OPCML: variants seen among roughly 807,000 people sequenced by gnomAD.
OPCML encodes the protein opioid-binding protein/cell adhesion molecule.
A neutral mutation model predicts 37.8 loss-of-function variants in OPCML; 13 were observed. The ratio of observed to expected loss-of-function variants is 0.34; its 90% CI spans 0.22 to 0.55. The LOEUF (loss-of-function observed/expected upper bound fraction) is 0.55, where lower values mean the gene tolerates loss of function less well. Among genes scored for constraint, OPCML ranks in the 20% least tolerant of loss-of-function variants. The probability of loss-of-function intolerance (pLI) is 0.91; values close to 1 mark genes in which losing one functional copy is unlikely to be tolerated. For missense variants in OPCML, 341 were observed against 435.6 expected, an observed-to-expected ratio of 0.78 and a Z score of 1.93; for synonymous variants, 176 against 168.8, an observed-to-expected ratio of 1.04 and a Z score of -0.33.
intron 2 of OPCML, among the ~76,000 whole-genome samples, chr11:132,792,594 T>C (rs1937995566): frequency 6.6e-6 from 1 of 152,162 alleles, no homozygotes; most frequent in Non-Finnish European, 1.5e-5. Context: ...TAGGTTCCTT[T>C]AAGAAGGCCA....
chr11:132,769,238 TTGTTG>T (rs1406905280), intron 2 of OPCML, among the ~76,000 whole-genome samples: 3 of 134,352 alleles, frequency 2.2e-5, no homozygotes, highest in Non-Finnish European at 5.1e-5. Flanking sequence ...TTTGGTTTGT[TTGTTG>T]TTTTTTTTTT....
At chr11:132,555,491 G>T (rs916649930) in intron 3 of OPCML, among the ~76,000 whole-genome samples, 17 of 152,022 alleles carry the variant, frequency 1.1e-4, no homozygotes, top group African/African-American at 3.9e-4. Flanking sequence ...CTCCCACCAG[G>T]TCCCTCCCAC....
At chr11:132,859,891 A>C (rs1032659773) in intron 2 of OPCML, 1 of 152,182 alleles carries the variant, frequency 6.6e-6, no homozygotes, top group Admixed American at 6.5e-5. Context: ...TATATATATG[A>C]GACCTCAGCT....
intron 2 of OPCML, among the ~76,000 whole-genome samples, chr11:132,914,717 A>G (rs1031052463): frequency 1.3e-5 from 2 of 152,204 alleles, no homozygotes; most frequent in African/African-American, 4.8e-5. Context: ...AACCCATAGC[A>G]GCCACTGAGT....
intron 7 of OPCML, among the ~76,000 whole-genome samples, chr11:132,428,470 A>G (rs538164879): frequency 1.3e-5 from 2 of 152,370 alleles, no homozygotes; most frequent in East Asian, 1.9e-4. Context: ...ATCTACCATG[A>G]GAGCCCAAAA....
intron 2 of OPCML, among the ~76,000 whole-genome samples, chr11:132,894,207 T>G (rs1355348790): frequency 6.6e-6 from 1 of 152,240 alleles, no homozygotes; most frequent in Non-Finnish European, 1.5e-5. Context: ...AGGTCTTTTA[T>G]CAGTCATTAT....
chr11:133,181,982 G>A (rs1287872290), intron 1 of OPCML, among the ~76,000 whole-genome samples: 1 of 152,190 alleles, frequency 6.6e-6, no homozygotes, highest in Non-Finnish European at 1.5e-5. Flanking sequence ...GCCCAGAAAA[G>A]AGACACATTT....
chr11:132,960,820 C>T (rs1210072583), intron 1 of OPCML, among the ~76,000 whole-genome samples: 1 of 152,224 alleles, frequency 6.6e-6, no homozygotes. Flanking sequence ...GGTCTGACAT[C>T]TTTGTGTATG....
At position 133,174,298 on chromosome 11, in the gene OPCML, A is replaced by G. The variant is rs1210107129; in HGVS notation, c.62-231288T>C. Among the ~76,000 whole-genome samples, 4 of 152,178 alleles carry G rather than the reference A, an allele frequency of 2.6e-5. No homozygotes were observed. The highest frequency in any genetic ancestry group is 1.3e-4 in the Admixed American group (2 of 15,278). On this transcript the variant is annotated intron_variant, in intron 1 of 7. Coordinates refer to ENST00000524381, the MANE Select transcript of OPCML (RefSeq NM_001012393.5). The surrounding 1 kb of genome is among the most constrained non-coding windows in gnomAD (Gnocchi z 4.6). ...CTGCCAAACGTAGAGACCTGGAGAG[A>G]GAGGACAGGGGCCTCGCATGAACCT...
intron 1 of OPCML, among the ~76,000 whole-genome samples, chr11:133,001,601 T>A (rs1197090522): frequency 6.6e-6 from 1 of 152,060 alleles, no homozygotes; most frequent in Non-Finnish European, 1.5e-5. Flanking sequence ...AGTGGAGGAG[T>A]TATCATGTCA....
chr11:133,230,619 G>T (rs1441235610), intron 1 of OPCML, among the ~76,000 whole-genome samples: 1 of 152,140 alleles, frequency 6.6e-6, no homozygotes, highest in Non-Finnish European at 1.5e-5. Context: ...TAGAATGTTT[G>T]GTGGCCATAA....
chr11:132,468,779 A>G (rs2096126953), intron 4 of OPCML, among the ~76,000 whole-genome samples: 1 of 152,208 alleles, frequency 6.6e-6, no homozygotes, highest in Non-Finnish European at 1.5e-5. Flanking sequence ...AGCTCATTTT[A>G]GGGAAAAGTC....
intron 1 of OPCML, among the ~76,000 whole-genome samples, chr11:133,522,158 A>C (rs917542290): frequency 4.6e-5 from 7 of 152,112 alleles, no homozygotes; most frequent in Non-Finnish European, 8.8e-5. Context: ...TGATTTGTAC[A>C]CTCTAAGCCA....
intron 1 of OPCML, among the ~76,000 whole-genome samples, chr11:133,089,077 C>T (rs967882560): frequency 2.6e-5 from 4 of 152,170 alleles, no homozygotes; most frequent in East Asian, 1.9e-4. Context: ...AATATAGAAT[C>T]GTTGGATCTA....
intron 4 of OPCML, among the ~76,000 whole-genome samples, chr11:132,519,229 A>G (rs1237435621): frequency 6.6e-6 from 1 of 152,082 alleles, no homozygotes; most frequent in African/African-American, 2.4e-5. Flanking sequence ...ATTACTACTT[A>G]TTTCTTAGTG....
chr11:132,439,696 C>G (rs1462143985), intron 4 of OPCML, among the ~76,000 whole-genome samples: 1 of 47,238 alleles, frequency 2.1e-5, no homozygotes, highest in Non-Finnish European at 6.0e-5. Context: ...AGACACCTCG[C>G]CATTTTTTTT....
At chr11:133,268,790 C>T (rs931625544) in intron 1 of OPCML, among the ~76,000 whole-genome samples, 2 of 152,066 alleles carry the variant, frequency 1.3e-5, no homozygotes, top group Admixed American at 6.6e-5. Context: ...AGATAGAAGA[C>T]CTTTGAGTAC....
intron 1 of OPCML, among the ~76,000 whole-genome samples, chr11:133,305,125 C>G (rs57859099): frequency 0.013 from 2,046 of 152,114 alleles, 49 homozygotes; most frequent in African/African-American, 0.046. Context: ...CTATTCCTAT[C>G]AAAGGAGAAA....
intron 3 of OPCML, among the ~76,000 whole-genome samples, chr11:132,621,319 T>G (rs1939394660): frequency 6.6e-6 from 1 of 152,168 alleles, no homozygotes; most frequent in African/African-American, 2.4e-5. Context: ...CCAATAAAAA[T>G]TAGTAGTTGT....
Sources: allele counts gnomAD v4.1 joint callset (sites outside exome capture counted in the v4.1 genomes callset), GRCh38; gene constraint gnomAD v4.1.1; non-coding constraint Gnocchi (gnomAD v3.1); transcripts MANE v1.5; gene names NCBI Gene and HGNC (gene_info 2026-07-23, HGNC 2026-07-21).